RABL3: variants seen among roughly 807,000 people sequenced by gnomAD.
RABL3 encodes the protein RAB, member of RAS oncogene family like 3.
RABL3 carries 31 observed loss-of-function variants against 31.8 expected under a neutral mutation model. The ratio of observed to expected loss-of-function variants is 0.97; its 90% CI spans 0.73 to 1.31. RABL3 has a LOEUF of 1.31. Ranked by LOEUF, RABL3 falls within the 40% of genes most tolerant of loss-of-function variation. RABL3 has a pLI of 0.00. For synonymous variants in RABL3, 97 were observed against 99.9 expected (o/e 0.97, Z 0.18); for missense variants, 263 against 279.6 (o/e 0.94, Z 0.42).
chr3:120,694,909 A>G (rs1052927869), intron 5 of RABL3, among the ~76,000 whole-genome samples: 2 of 151,926 alleles, frequency 1.3e-5, no homozygotes, highest in Admixed American at 6.6e-5. Flanking sequence ...AATCATTACA[A>G]TAACTTTAAA....
intron 1 of RABL3, among the ~76,000 whole-genome samples, chr3:120,739,602 A>C (rs1469042092): frequency 6.6e-6 from 1 of 152,104 alleles, no homozygotes; most frequent in Admixed American, 6.5e-5. Flanking sequence ...ACGTATGTGT[A>C]ATTGAATCAA....
chr3:120,738,601 T>A (rs78907654), intron 1 of RABL3: 11,022 of 152,614 alleles, frequency 0.072, 1,326 homozygotes, highest in East Asian at 0.47. Flanking sequence ...CTGTTCCTAA[T>A]TGGTCATCTT....
At position 120,686,095 on chromosome 3, in the gene RABL3, AT is replaced by A. The variant is rs1708304676; in HGVS notation, c.*3727del. On this transcript the variant is annotated 3_prime_UTR_variant, in exon 8 of 8. Transcript: ENST00000273375. The stretch of plus-strand genomic sequence containing the variant: ...TGTGTAGGCAAACATGTTGTGAAAT[AT>A]TTGAGACACAGGGTTAGACTTCCTG... Among the ~76,000 whole-genome samples, 3 of 152,218 alleles carry A rather than the reference AT, an allele frequency of 2.0e-5. No individual in the cohort carries two copies. Among genetic ancestry groups the A allele is most frequent in the Non-Finnish European group, 4.4e-5 (3 of 68,044 alleles).
At chr3:120,737,507 ACTT>A (rs1426034932) in intron 1 of RABL3, among the ~76,000 whole-genome samples, 3 of 152,140 alleles carry the variant, frequency 2.0e-5, no homozygotes, top group South Asian at 2.1e-4. Flanking sequence ...TCATCTGAAG[ACTT>A]CTTCTCTCAA....
Position 120,688,686 on chromosome 3 carries a change from TG to T in RABL3, c.*1136del, listed in dbSNP as rs1245986054. 6.6e-6 allele frequency: 1 copy of T among 152,150 alleles called. No homozygotes were observed. Among genetic ancestry groups the T allele is most frequent in the East Asian group, 1.9e-4 (1 of 5,188 alleles). The allele number at this position is 152,150 out of a possible 1,614,324, so 9.4% of individuals were successfully genotyped here. A position where few individuals can be genotyped will look rare whatever the true frequency, so the allele number is the denominator to read the frequency against. ...AGAGAGAATACGGGTGATAGAGTGT[TG>T]AATAAATTGTTTTTAGAAATCAAAT... On this transcript the variant is annotated 3_prime_UTR_variant, in exon 8 of 8. Transcript: ENST00000273375.
rs563991135 is a variant in RABL3, at chr3:120,724,804, A to G, written c.138+5892T>C. On this transcript the variant is annotated intron_variant, in intron 2 of 7. Coordinates refer to ENST00000273375, the MANE Select transcript of RABL3 (RefSeq NM_173825.5). ...CACCTTATACAAAAATTAATTCAAG[A>G]TGGATTAAAGACTTAAATGTTAGAC... Among the ~76,000 whole-genome samples the G allele has an allele frequency of 7.7e-4, 117 of 152,234 alleles. 1 individual carries two copies. Among genetic ancestry groups the G allele is most frequent in the African/African-American group, 2.7e-3 (113 of 41,542 alleles).
chr3:120,697,899 C>T (rs966174552), intron 5 of RABL3, among the ~76,000 whole-genome samples: 1 of 152,194 alleles, frequency 6.6e-6, no homozygotes, highest in Admixed American at 6.5e-5. Flanking sequence ...GGTGCAGTGG[C>T]TCGCGCCTGT....
At chr3:120,741,615 C>CGCCA (rs1709044143) in intron 1 of RABL3, among the ~76,000 whole-genome samples, 2 of 152,050 alleles carry the variant, frequency 1.3e-5, no homozygotes, top group African/African-American at 2.4e-5. Flanking sequence ...GAAATCCAGA[C>CGCCA]GCCAGCTGTA....
intron 5 of RABL3, among the ~76,000 whole-genome samples, chr3:120,697,861 C>T (rs1370232241): frequency 6.6e-6 from 1 of 152,142 alleles, no homozygotes; most frequent in African/African-American, 2.4e-5. Flanking sequence ...ATTTTAAAAA[C>T]CTTTCTCAAG....
At chr3:120,739,064 G>C (rs952406082) in intron 1 of RABL3, among the ~76,000 whole-genome samples, 5 of 152,118 alleles carry the variant, frequency 3.3e-5, no homozygotes, top group African/African-American at 1.2e-4. Flanking sequence ...TTTCATCCTT[G>C]TTAACCTGAT....
At chr3:120,697,575 C>T (rs1168309534) in intron 5 of RABL3, among the ~76,000 whole-genome samples, 20 of 152,208 alleles carry the variant, frequency 1.3e-4, no homozygotes. Flanking sequence ...GGGATCCTAA[C>T]AGGCTTACAT....
intron 7 of RABL3, 127 bp from the exon 8 acceptor site, chr3:120,690,015 G>A: frequency 5.9e-6 from 4 of 681,400 alleles, no homozygotes; most frequent in South Asian, 3.9e-5. Flanking sequence ...AACTTTCTGA[G>A]GTTTTACTCA....
At chr3:120,732,288 C>T (rs181942942) in intron 1 of RABL3, among the ~76,000 whole-genome samples, 7 of 152,292 alleles carry the variant, frequency 4.6e-5, no homozygotes, top group Admixed American at 4.6e-4. Flanking sequence ...GAGTCAGCAT[C>T]ATTCTAGTTA....
intron 2 of RABL3, among the ~76,000 whole-genome samples, chr3:120,717,283 C>CAA (rs11349554): frequency 7.0e-6 from 1 of 142,818 alleles, no homozygotes. Flanking sequence ...AAAAAAACAA[C>CAA]AAAAAAAAAA....
chr3:120,722,791 C>A (rs551578703), intron 2 of RABL3: 3 of 151,792 alleles, frequency 2.0e-5, no homozygotes, highest in Non-Finnish European at 4.4e-5. Flanking sequence ...GGGACACATT[C>A]AAAGCAGTGT....
intron 2 of RABL3, among the ~76,000 whole-genome samples, chr3:120,716,765 C>T (rs1708675078): frequency 6.6e-6 from 1 of 152,158 alleles, no homozygotes; most frequent in South Asian, 2.1e-4. Flanking sequence ...ATAAAAGCTG[C>T]TACAGGTAAC....
At position 120,692,404 on chromosome 3, in the gene RABL3, T is replaced by G. The variant is rs144431745; in HGVS notation, c.606+1749A>C. On this transcript the variant is annotated intron_variant, in intron 6 of 7. Coordinates refer to ENST00000273375, the MANE Select transcript of RABL3 (RefSeq NM_173825.5). The stretch of plus-strand genomic sequence containing the variant: ...TACTAGAGATGGGGTTTCACCATGC[T>G]AGCCATGATGGTCTTGATCTCCTGA... 3.9e-5 allele frequency among the ~76,000 whole-genome samples: 6 copies of G among 152,320 alleles called. No homozygotes were observed. The East Asian group carries it at 1.2e-3, about 29-fold the overall frequency.
intron 1 of RABL3, among the ~76,000 whole-genome samples, chr3:120,735,342 T>G (rs551941345): frequency 8.5e-5 from 13 of 152,224 alleles, no homozygotes; most frequent in East Asian, 5.8e-4. Context: ...AGAGGTGTTT[T>G]TAGTATTCTC....
At chr3:120,720,927 GC>G (rs1249903887) in intron 2 of RABL3, among the ~76,000 whole-genome samples, 1 of 152,206 alleles carries the variant, frequency 6.6e-6, no homozygotes, top group African/African-American at 2.4e-5. Flanking sequence ...GTTAAGGGCA[GC>G]CAGAGAGAAA....
Sources: allele counts gnomAD v4.1 joint callset (sites outside exome capture counted in the v4.1 genomes callset), GRCh38; gene constraint gnomAD v4.1.1; transcripts MANE v1.5; gene names NCBI Gene and HGNC (gene_info 2026-07-23, HGNC 2026-07-21).